The following TMEM260 variants were observed in gnomAD, a reference collection of about 807,000 sequenced individuals.
TMEM260 encodes protein O-mannosyl-transferase TMEM260.
A neutral mutation model predicts 88.9 loss-of-function variants in TMEM260; 82 were observed. The observed-to-expected ratio is 0.92, with a 90% CI of 0.77 to 1.11. The LOEUF is 1.11. Ranked by LOEUF, TMEM260 falls within the 50% of genes least tolerant of loss-of-function variation. The probability of loss-of-function intolerance (pLI) is 0.00; values close to 1 mark genes in which losing one functional copy is unlikely to be tolerated. For synonymous variants in TMEM260, 314 were observed against 309.3 expected (o/e 1.02, Z -0.16); for missense variants, 902 against 853.4 (o/e 1.06, Z -0.71).
chr14:56,640,215 C>A (rs1889471960), intron 15 of TMEM260, among the ~76,000 whole-genome samples: 2 of 152,148 alleles, frequency 1.3e-5, no homozygotes, highest in South Asian at 2.1e-4. Flanking sequence ...GGTCCCTGAC[C>A]CCCGAGTAGC....
intron 6 of TMEM260, among the ~76,000 whole-genome samples, chr14:56,610,730 C>T (rs896084887): frequency 2.6e-5 from 4 of 151,844 alleles, no homozygotes; most frequent in Non-Finnish European, 4.4e-5. Flanking sequence ...TTGGTTATTC[C>T]AGAAAAATAT....
chr14:56,601,224 A>G (rs1027498964), intron 3 of TMEM260, among the ~76,000 whole-genome samples: 38 of 152,158 alleles, frequency 2.5e-4, no homozygotes, highest in African/African-American at 8.9e-4. Context: ...CAACAGTTCA[A>G]ATGCTTTAAG....
chr14:56,642,686 C>T (rs2139651799), intron 15 of TMEM260, among the ~76,000 whole-genome samples: 1 of 150,150 alleles, frequency 6.7e-6, no homozygotes, highest in South Asian at 2.1e-4. Context: ...AATAGAGACA[C>T]AAAAAACCCT....
chr14:56,591,311 T>C (rs1885843105), intron 3 of TMEM260, among the ~76,000 whole-genome samples: 1 of 152,222 alleles, frequency 6.6e-6, no homozygotes, highest in African/African-American at 2.4e-5. Context: ...AATTGAGATA[T>C]TAAGATACAC....
chr14:56,640,375 C>G (rs1358361767), intron 15 of TMEM260, among the ~76,000 whole-genome samples: 6 of 152,214 alleles, frequency 3.9e-5, no homozygotes, highest in Non-Finnish European at 7.3e-5. Context: ...TGCTGATACC[C>G]AGGCAAACAG....
intron 3 of TMEM260, among the ~76,000 whole-genome samples, chr14:56,596,406 G>GTGTGTGTGTGTATATA (rs1290307932): frequency 3.6e-5 from 4 of 111,320 alleles, no homozygotes; most frequent in South Asian, 5.4e-4. Flanking sequence ...GTGTGTGTGT[G>GTGTGTGTGTGTATATA]TATATATATA....
chr14:56,635,095 A>T (rs1037505501), intron 14 of TMEM260, 143 bp downstream of exon 14: 4 of 688,192 alleles, frequency 5.8e-6, no homozygotes, highest in Non-Finnish European at 7.6e-6. Flanking sequence ...GAGGCACTGT[A>T]CTAATCATTA....
chr14:56,580,021 T>G lies in TMEM260; in HGVS notation c.107T>G (p.Val36Gly), dbSNP rs557645886. ...GGCGGCGTGGCGGTGTTCGCCGCCG[T>G]GGCCGCAGTGTTCACCTTCACCCTG... ...IRGGVAVFAAVAAVFTFTLPP... is the reference protein window; with the variant it reads ...IRGGVAVFAAGAAVFTFTLPP... The change falls in exon 1 of 16, where the codon GTG becomes GGG. Residue 36 changes from valine to glycine, a missense_variant. Coordinates refer to ENST00000261556, the MANE Select transcript of TMEM260 (RefSeq NM_017799.4). 3 of 1,249,108 alleles carry G rather than the reference T, an allele frequency of 2.4e-6. No homozygotes were observed. The highest frequency in any genetic ancestry group is 3.0e-6 in the Non-Finnish European group (3 of 989,594). The allele number at this position is 1,249,108 out of a possible 1,614,324, so 77.4% of individuals were successfully genotyped here.
Position 56,615,974 on chromosome 14 carries a change from CTCAT to C in TMEM260, c.892_895del (p.Phe298ThrfsTer13), listed in dbSNP as rs1566552429. The C allele has an allele frequency of 1.2e-6, 2 of 1,613,200 alleles. No homozygotes were observed. Among genetic ancestry groups the C allele is most frequent in the East Asian group, 2.2e-5 (1 of 44,808 alleles). ...AAGTAACAAATATGAGGACCGAACT[CTCAT>C]TCAACATCCAAGCCCTTGCAGTTTG... On this transcript the variant is annotated frameshift_variant, in exon 8 of 16. Transcript: ENST00000261556. LOFTEE classifies it high-confidence loss of function.
intron 7 of TMEM260, chr14:56,612,822 T>G (rs1318962173): frequency 6.5e-6 from 1 of 152,680 alleles, no homozygotes; most frequent in Non-Finnish European, 1.5e-5. Context: ...GAGCTTAAAA[T>G]GAGCAATAAA....
At chr14:56,592,943 G>A (rs147711222) in intron 3 of TMEM260, among the ~76,000 whole-genome samples, 4 of 152,276 alleles carry the variant, frequency 2.6e-5, no homozygotes, top group South Asian at 4.2e-4. Flanking sequence ...ATGTGTGTTC[G>A]GAAAGAATTT....
intron 12 of TMEM260, among the ~76,000 whole-genome samples, chr14:56,629,127 C>A (rs541223697): frequency 2.5e-4 from 38 of 152,118 alleles, no homozygotes; most frequent in Non-Finnish European, 3.2e-4. Flanking sequence ...AACTCCTGAC[C>A]TCAAGTGATC....
chr14:56,640,679 G>C (rs965516731), intron 15 of TMEM260, among the ~76,000 whole-genome samples: 1 of 152,150 alleles, frequency 6.6e-6, no homozygotes, highest in East Asian at 1.9e-4. Flanking sequence ...GAAGGCTTCA[G>C]AAGATCAAAC....
chr14:56,580,400 T>A (rs1885046141), intron 1 of TMEM260, among the ~76,000 whole-genome samples: 1 of 152,274 alleles, frequency 6.6e-6, no homozygotes, highest in South Asian at 2.1e-4. Context: ...CAGATATTAT[T>A]CACGGTGTCC....
chr14:56,634,913 C>T lies in TMEM260; in HGVS notation c.1739C>T (p.Ser580Phe). 6.2e-7 allele frequency: 1 copy of T among 1,613,384 alleles called. No individual in the cohort carries two copies. Among genetic ancestry groups the T allele is most frequent in the East Asian group, 2.2e-5 (1 of 44,856 alleles). ...TEEYGRFDPS[S>F]WESVANEEMW... is the part of the protein sequence containing the mutation. ...TGTAACTACAGGTTTGATCCATCTT[C>T]TTGGGAATCTGTGGCCAATGAAGAA... The change falls in exon 14 of 16, where the codon TCT (serine) becomes TTT (phenylalanine). Residue 580 changes from serine (S) to phenylalanine (F), a missense_variant. Transcript: ENST00000261556.
chr14:56,598,819 T>C (rs967953639), intron 3 of TMEM260, among the ~76,000 whole-genome samples: 7 of 152,338 alleles, frequency 4.6e-5, no homozygotes, highest in African/African-American at 1.7e-4. Flanking sequence ...CCTGTATTTC[T>C]ACATTGCACT....
chr14:56,609,078 T>C, intron 5 of TMEM260, 28 bp from the exon 6 acceptor site: 1 of 1,604,744 alleles, frequency 6.2e-7, no homozygotes, highest in Admixed American at 1.7e-5. Flanking sequence ...ATAAACATTG[T>C]TATACCACCC....
chr14:56,637,204 G>A (rs748493700), intron 15 of TMEM260, among the ~76,000 whole-genome samples: 1 of 152,182 alleles, frequency 6.6e-6, no homozygotes, highest in African/African-American at 2.4e-5. Context: ...TTGTTTATTT[G>A]TTACAGTGGC....
chr14:56,640,017 C>G lies in TMEM260; in HGVS notation c.1869+3419C>G, dbSNP rs182911417. Reference sequence around the variant, plus strand: ...GAACTGGGTAGAGCCCACCACAGCTCAAGGAGGCCTGCGTGCCTTCCTGCC... The same window carrying G: ...GAACTGGGTAGAGCCCACCACAGCTGAAGGAGGCCTGCGTGCCTTCCTGCC... On this transcript the variant is annotated intron_variant, in intron 15 of 15. Coordinates refer to ENST00000261556, the MANE Select transcript of TMEM260 (RefSeq NM_017799.4). 6.1e-4 allele frequency among the ~76,000 whole-genome samples: 93 copies of G among 152,340 alleles called. 1 individual carries two copies. The highest frequency in any genetic ancestry group is 2.2e-3 in the African/African-American group (90 of 41,586).
Sources: gnomAD v4.1 joint callset for allele counts (sites outside exome capture counted in the v4.1 genomes callset) on GRCh38, gnomAD v4.1.1 for gene constraint, MANE v1.5 for transcripts, NCBI Gene and HGNC (gene_info 2026-07-23, HGNC 2026-07-21) for gene names.